MICAL3: variants seen among roughly 807,000 people sequenced by gnomAD.
MICAL3 encodes [F-actin]-monooxygenase MICAL3.
In MICAL3, 62 loss-of-function variants were observed where a neutral mutation model predicts 207.4. The ratio of observed to expected loss-of-function variants is 0.30; its 90% CI spans 0.24 to 0.37. The LOEUF (loss-of-function observed/expected upper bound fraction) is 0.37, where lower values mean the gene tolerates loss of function less well. Ranked by LOEUF, MICAL3 falls within the 10% of genes least tolerant of loss-of-function variation. The pLI is 1.00. For synonymous variants in MICAL3, 1,077 were observed against 1,069.3 expected, an observed-to-expected ratio of 1.01 and a Z score of -0.14; for missense variants, 2,368 against 2,635.6, an observed-to-expected ratio of 0.90 and a Z score of 2.22.
At chr22:17,986,477 G>GC (rs1338402877) in intron 1 of MICAL3, among the ~76,000 whole-genome samples, 1 of 151,684 alleles carries the variant, frequency 6.6e-6, no homozygotes, top group Non-Finnish European at 1.5e-5. Flanking sequence ...CCAAGATGGT[G>GC]CCACTGCACT....
rs1601942072 is a variant in MICAL3, at chr22:17,808,898, G to A, written c.5596C>T (p.Arg1866Trp). The change falls in exon 29 of 32, where the codon CGG becomes TGG. Residue 1866 changes from arginine (R) to tryptophan (W), a missense_variant. Coordinates refer to ENST00000441493, the MANE Select transcript of MICAL3 (RefSeq NM_015241.3). ...RQLQQVEERQ[R>W]RLEERGVAVE... Reference sequence around the variant, plus strand: ...GCCACGCCCCTTTCCTCCAGCCGCCGCTGCCTCTCCTCCACCTGCTGCAGC... The same window carrying A: ...GCCACGCCCCTTTCCTCCAGCCGCCACTGCCTCTCCTCCACCTGCTGCAGC... The A allele has an allele frequency of 6.4e-7, 1 of 1,553,816 alleles. No homozygotes were observed. The highest frequency in any genetic ancestry group is 8.7e-7 in the Non-Finnish European group (1 of 1,148,732).
At chr22:17,994,591 T>G (rs1196175927) in intron 1 of MICAL3, among the ~76,000 whole-genome samples, 1 of 152,070 alleles carries the variant, frequency 6.6e-6, no homozygotes, top group Non-Finnish European at 1.5e-5. Flanking sequence ...TGTGGGCCTG[T>G]AGTCCCAGCT....
chr22:17,817,838 G>C lies in MICAL3; in HGVS notation c.4823C>G (p.Ala1608Gly), dbSNP rs532711017. Residue 1608 changes from alanine (A) to glycine (G), a missense_variant, in exon 26 of 32, where the codon GCG becomes GGG. Coordinates refer to ENST00000441493, the MANE Select transcript of MICAL3 (RefSeq NM_015241.3). ...RAREKSVKSQ[A>G]LRDAMARQLS... ...CTGCCTGGCCATGGCGTCCCGCAGC[G>C]CCTGGCTCTTCACGGACTTCTCCCT... 5.0e-6 allele frequency: 8 copies of C among 1,611,766 alleles called. No homozygotes were observed. The highest frequency in any genetic ancestry group is 6.8e-6 in the Non-Finnish European group (8 of 1,179,542).
chr22:17,945,653 G>A (rs767897401), intron 1 of MICAL3, among the ~76,000 whole-genome samples: 3 of 152,042 alleles, frequency 2.0e-5, no homozygotes, highest in East Asian at 3.9e-4. Flanking sequence ...TAAAGGCAGC[G>A]GGCCCCTCTC....
chr22:17,860,898 T>G (rs1292036021), intron 19 of MICAL3: 1 of 985,280 alleles, frequency 1.0e-6, no homozygotes, highest in Non-Finnish European at 1.2e-6. Context: ...ACAAGCAGCT[T>G]TAGAAACAGC....
chr22:18,003,779 T>A (rs1011542612), intron 1 of MICAL3, among the ~76,000 whole-genome samples: 3 of 152,062 alleles, frequency 2.0e-5, no homozygotes, highest in African/African-American at 4.8e-5. Flanking sequence ...TTCTTTATTT[T>A]TTTTTTTTTA....
Position 17,818,435 on chromosome 22 carries a change from T to A in MICAL3, c.4226A>T (p.Asp1409Val). The A allele has an allele frequency of 6.2e-7, 1 of 1,612,720 alleles. No individual in the cohort carries two copies. Among genetic ancestry groups the A allele is most frequent in the Non-Finnish European group, 8.5e-7 (1 of 1,179,876 alleles). Residue 1409 changes from aspartate (D) to valine (V), a missense_variant, in exon 26 of 32, where the codon GAC (aspartate) becomes GTC (valine). By Grantham distance (152) the Asp-to-Val change is radical. Coordinates refer to ENST00000441493, the MANE Select transcript of MICAL3 (RefSeq NM_015241.3). ...CTCCTGGGCGCTGCGTAGCTCTCTG[T>A]CGGACGGGGACCGGGGGGTTGGCAG... ...LSLPTPRSPSDRELRSAQEER... is the reference protein window; with the variant it reads ...LSLPTPRSPSVRELRSAQEER...
intron 25 of MICAL3, among the ~76,000 whole-genome samples, chr22:17,820,536 A>G (rs897070041): frequency 2.0e-5 from 3 of 152,088 alleles, no homozygotes; most frequent in Non-Finnish European, 4.4e-5. Flanking sequence ...TTGTATTGTT[A>G]GTAGAGACAG....
chr22:17,985,355 G>GAGAAC (rs2146448910), intron 1 of MICAL3, among the ~76,000 whole-genome samples: 1 of 152,208 alleles, frequency 6.6e-6, no homozygotes, highest in Non-Finnish European at 1.5e-5. Flanking sequence ...CGTGAACTCT[G>GAGAAC]AGAACAGAGC....
chr22:17,964,839 C>A (rs1169731242), intron 1 of MICAL3, among the ~76,000 whole-genome samples: 1 of 152,246 alleles, frequency 6.6e-6, no homozygotes, highest in East Asian at 1.9e-4. Flanking sequence ...AATTGCTCAG[C>A]TGGGACACTG....
chr22:17,817,291 G>A lies in MICAL3; in HGVS notation c.5350+20C>T, dbSNP rs375394364. On this transcript the variant is annotated intron_variant, in intron 26 of 31. Transcript: ENST00000441493. ...CACCCCTCCCGCTCTGCCTGCACGCGGACCCGGCTGCTGACGCACCTGCCC... is the reference window on the plus strand; with the variant it reads ...CACCCCTCCCGCTCTGCCTGCACGCAGACCCGGCTGCTGACGCACCTGCCC... 10 of 1,560,192 alleles carry A rather than the reference G, an allele frequency of 6.4e-6. No individual in the cohort carries two copies. The highest frequency in any genetic ancestry group is 1.4e-5 in the African/African-American group (1 of 73,726).
At chr22:17,848,349 C>T (rs1286106960) in intron 19 of MICAL3, among the ~76,000 whole-genome samples, 1 of 152,216 alleles carries the variant, frequency 6.6e-6, no homozygotes, top group Non-Finnish European at 1.5e-5. Flanking sequence ...TTCTCCCACA[C>T]GTCCTCACAT....
chr22:17,824,415 GTAGCATCT>G (rs1388787232), intron 22 of MICAL3, among the ~76,000 whole-genome samples: 4 of 152,272 alleles, frequency 2.6e-5, no homozygotes, highest in African/African-American at 9.6e-5. Flanking sequence ...AGCCTCGGAA[GTAGCATCT>G]TCTCTCCACA....
chr22:18,020,770 C>T (rs1046990483), intron 1 of MICAL3, among the ~76,000 whole-genome samples: 2 of 151,268 alleles, frequency 1.3e-5, no homozygotes, highest in African/African-American at 2.4e-5. Flanking sequence ...AAAAATTAGC[C>T]GGGTATGGTG....
Position 17,872,776 on chromosome 22 carries a change from G to A in MICAL3, c.2242-753C>T, listed in dbSNP as rs1229702192. ...TCCTTCTTGTCTAGAAGGGCTTTGG[G>A]TTGTTCTTTCCTTTGAAGCTGATTG... is the stretch of plus-strand genomic sequence containing the variant. On this transcript the variant is annotated intron_variant, in intron 16 of 31. Coordinates refer to ENST00000441493, the MANE Select transcript of MICAL3 (RefSeq NM_015241.3). 3 of 1,613,328 alleles carry A rather than the reference G, an allele frequency of 1.9e-6. No homozygotes were observed. In the African/African-American group the frequency reaches 4.0e-5, roughly 22 times the overall value.
In MICAL3 at chr22:17,896,463, G is replaced by C. The variant is rs1190040985; in HGVS notation, c.1207-102C>G. 4.9e-6 allele frequency: 4 copies of C among 814,040 alleles called. No homozygotes were observed. The East Asian group carries it at 8.1e-5, about 16-fold the overall frequency. 50.4% of individuals were successfully genotyped at this position (814,040 alleles called of 1,614,324 possible). On this transcript the variant is annotated intron_variant, in intron 8 of 31. Coordinates refer to ENST00000441493, the MANE Select transcript of MICAL3 (RefSeq NM_015241.3). Reference sequence around the variant, plus strand: ...GAGTTTGCTGTCGACAGTAGTGTTTGGCAACTGTTTCAATAACAAATTGCT... The same window carrying C: ...GAGTTTGCTGTCGACAGTAGTGTTTCGCAACTGTTTCAATAACAAATTGCT...
intron 1 of MICAL3, among the ~76,000 whole-genome samples, chr22:18,011,422 G>T (rs1923717871): frequency 6.6e-6 from 1 of 152,192 alleles, no homozygotes; most frequent in African/African-American, 2.4e-5. Flanking sequence ...GCACACGCCT[G>T]TAATCCCAGC....
intron 1 of MICAL3, among the ~76,000 whole-genome samples, chr22:17,984,821 GA>G (rs1422666811): frequency 6.6e-6 from 1 of 152,208 alleles, no homozygotes; most frequent in African/African-American, 2.4e-5. Flanking sequence ...TCATACAAAT[GA>G]GGAAACCAAG....
intron 1 of MICAL3, among the ~76,000 whole-genome samples, chr22:18,016,715 C>T (rs1924076984): frequency 6.6e-6 from 1 of 152,066 alleles, no homozygotes; most frequent in Admixed American, 6.6e-5. Flanking sequence ...CCGAGGCAGG[C>T]GGATCACGAG....
Sources: gnomAD v4.1 joint callset for allele counts (sites outside exome capture counted in the v4.1 genomes callset) on GRCh38, gnomAD v4.1.1 for gene constraint, MANE v1.5 for transcripts, NCBI Gene and HGNC (gene_info 2026-07-23, HGNC 2026-07-21) for gene names.